STAG1: variants seen among roughly 807,000 people sequenced by gnomAD.
STAG1 encodes the protein cohesin subunit SA-1.
Under a neutral mutation model 170.9 loss-of-function variants are expected in STAG1, and 26 were observed. The observed-to-expected ratio is 0.15, with a 90% CI of 0.11 to 0.21. The LOEUF is 0.21. Ranked by LOEUF, STAG1 falls within the 10% of genes least tolerant of loss-of-function variation. STAG1 has a pLI of 1.00. For synonymous variants in STAG1, 514 were observed against 497.7 expected (o/e 1.03, Z -0.44); for missense variants, 964 against 1,509.5 (o/e 0.64, Z 5.99).
intron 1 of STAG1, among the ~76,000 whole-genome samples, chr3:136,641,604 C>T (rs1424255997): frequency 2.0e-5 from 3 of 152,074 alleles, no homozygotes; most frequent in Non-Finnish European, 2.9e-5. Flanking sequence ...AAATAACTGG[C>T]CAGTATTCTT....
chr3:136,435,432 CTG>C, intron 15 of STAG1, among the ~76,000 whole-genome samples: 1 of 152,208 alleles, frequency 6.6e-6, no homozygotes, highest in East Asian at 1.9e-4. Context: ...CTACGCTATA[CTG>C]TCTTTTCAGC....
In STAG1 at chr3:136,655,892, T is replaced by C. The variant is rs542169558; in HGVS notation, c.-83-24911A>G. On this transcript the variant is annotated intron_variant, in intron 1 of 33. Transcript: ENST00000383202. Reference sequence around the variant, plus strand: ...TTTCCTCAGAAAATTAAGAATAGACTTACCATACAATCCAGCAATTTTACT... The same window carrying C: ...TTTCCTCAGAAAATTAAGAATAGACCTACCATACAATCCAGCAATTTTACT... 5.3e-5 allele frequency among the ~76,000 whole-genome samples: 8 copies of C among 152,212 alleles called. No individual in the cohort carries two copies. The South Asian group carries it at 1.7e-3, about 32-fold the overall frequency.
At chr3:136,405,110 A>T (rs1199225303) in intron 21 of STAG1, among the ~76,000 whole-genome samples, 2 of 152,116 alleles carry the variant, frequency 1.3e-5, no homozygotes, top group African/African-American at 4.8e-5. Context: ...AGACTGGGTT[A>T]ATATGAGCGA....
rs1236557697 is a variant in STAG1, at chr3:136,497,857, A to G, written c.902+2366T>C. Among the ~76,000 whole-genome samples the G allele has an allele frequency of 3.3e-5, 5 of 150,122 alleles. No homozygotes were observed. The Middle Eastern group carries it at 0.014, about 414-fold the overall frequency. On this transcript the variant is annotated intron_variant, in intron 9 of 33. Coordinates refer to ENST00000383202, the MANE Select transcript of STAG1 (RefSeq NM_005862.3). ...GCAACAGAGCGAGACTCATCTCAAAAAAAAAAAAAATTCCTCAATCTGATA... is the reference window on the plus strand; with the variant it reads ...GCAACAGAGCGAGACTCATCTCAAAGAAAAAAAAAATTCCTCAATCTGATA...
intron 9 of STAG1, among the ~76,000 whole-genome samples, chr3:136,487,447 T>A (rs1007076101): frequency 7.9e-5 from 12 of 152,210 alleles, no homozygotes; most frequent in Non-Finnish European, 5.9e-5. Context: ...GGAATCCCAG[T>A]CCTTGTCTAC....
chr3:136,340,452 CAT>C, intron 32 of STAG1, 37 bp downstream of exon 32: 1 of 1,342,866 alleles, frequency 7.4e-7, no homozygotes, highest in Non-Finnish European at 1.1e-6. Flanking sequence ...AATGCCCCCA[CAT>C]ATTTTAACAA....
At chr3:136,611,430 T>C (rs1023403418) in intron 3 of STAG1, among the ~76,000 whole-genome samples, 3 of 151,966 alleles carry the variant, frequency 2.0e-5, no homozygotes, top group African/African-American at 7.3e-5. Context: ...ATTACAGGTG[T>C]AAGCCATCGT....
chr3:136,661,431 T>TG (rs1158448308), intron 1 of STAG1, among the ~76,000 whole-genome samples: 75 of 152,330 alleles, frequency 4.9e-4, no homozygotes, highest in Non-Finnish European at 3.2e-4. Flanking sequence ...CCTTAGGTCG[T>TG]GGGTTGCAGT....
intron 13 of STAG1, among the ~76,000 whole-genome samples, chr3:136,460,574 C>G (rs1263604895): frequency 6.6e-6 from 1 of 151,954 alleles, no homozygotes; most frequent in African/African-American, 2.4e-5. Context: ...TGTACTCCAG[C>G]CAGGACAACA....
intron 1 of STAG1, among the ~76,000 whole-genome samples, chr3:136,750,165 T>C (rs1358183392): frequency 6.6e-6 from 1 of 152,192 alleles, no homozygotes; most frequent in Non-Finnish European, 1.5e-5. Context: ...ACAATCACCG[T>C]AAGATACTAT....
chr3:136,706,549 T>G (rs1427568328), intron 1 of STAG1, among the ~76,000 whole-genome samples: 1 of 152,132 alleles, frequency 6.6e-6, no homozygotes, highest in African/African-American at 2.4e-5. Context: ...TATAAAACAC[T>G]GTTAAAAGAA....
Position 136,751,155 on chromosome 3 carries a change from T to C in STAG1, c.-84+1040A>G, listed in dbSNP as rs1318479699. Among the ~76,000 whole-genome samples the C allele has an allele frequency of 2.6e-5, 4 of 151,996 alleles. No individual in the cohort carries two copies. The East Asian group carries it at 7.7e-4, about 29-fold the overall frequency. ...ACCAACTTTAACAGCAAATAATTTT[T>C]TTTTATGACAAATTGCGTTTTTTTT... is the stretch of plus-strand genomic sequence containing the variant. On this transcript the variant is annotated intron_variant, in intron 1 of 33. Coordinates refer to ENST00000383202, the MANE Select transcript of STAG1 (RefSeq NM_005862.3).
chr3:136,551,926 T>TGA (rs890122637), intron 5 of STAG1, among the ~76,000 whole-genome samples: 3 of 150,032 alleles, frequency 2.0e-5, no homozygotes, highest in Non-Finnish European at 4.4e-5. Context: ...AGAGAGACAC[T>TGA]GAGAGAGAGA....
chr3:136,373,290 A>C (rs2108300555), intron 23 of STAG1, among the ~76,000 whole-genome samples: 1 of 152,066 alleles, frequency 6.6e-6, no homozygotes, highest in South Asian at 2.1e-4. Flanking sequence ...TGATTTTTTC[A>C]AAAAACCAGC....
chr3:136,661,541 A>G (rs1055975582), intron 1 of STAG1, among the ~76,000 whole-genome samples: 1 of 152,184 alleles, frequency 6.6e-6, no homozygotes, highest in African/African-American at 2.4e-5. Context: ...TACGAAATAT[A>G]AATAAATGTT....
chr3:136,730,190 A>C (rs1424396301), intron 1 of STAG1, among the ~76,000 whole-genome samples: 1 of 152,018 alleles, frequency 6.6e-6, no homozygotes, highest in East Asian at 1.9e-4. Context: ...CACCACACCC[A>C]ATCTGTAATT....
intron 12 of STAG1, among the ~76,000 whole-genome samples, chr3:136,469,325 T>G (rs1458141115): frequency 6.6e-6 from 1 of 152,106 alleles, no homozygotes; most frequent in African/African-American, 2.4e-5. Flanking sequence ...TCACAAGCAT[T>G]CTTATACACC....
At chr3:136,424,310 T>C (rs891531609) in intron 16 of STAG1, among the ~76,000 whole-genome samples, 1 of 151,342 alleles carries the variant, frequency 6.6e-6, no homozygotes, top group African/African-American at 2.4e-5. Flanking sequence ...GGGAAATGGC[T>C]ATTTTTGATG....
chr3:136,704,528 T>C (rs1481365714), intron 1 of STAG1, among the ~76,000 whole-genome samples: 4 of 151,804 alleles, frequency 2.6e-5, no homozygotes, highest in Non-Finnish European at 4.4e-5. Flanking sequence ...TCAAAAGTTG[T>C]TACAAAAGAC....
Sources: gnomAD v4.1 joint callset for allele counts (sites outside exome capture counted in the v4.1 genomes callset) on GRCh38, gnomAD v4.1.1 for gene constraint, MANE v1.5 for transcripts, NCBI Gene and HGNC (gene_info 2026-07-23, HGNC 2026-07-21) for gene names.